Variants in EGFLAM observed in about 807,000 individuals in gnomAD.
EGFLAM encodes the protein EGF like, fibronectin type III and laminin G domains, also known as pikachurin.
In EGFLAM, 79 loss-of-function variants were observed where a neutral mutation model predicts 113.1. The ratio of observed to expected loss-of-function variants is 0.70; its 90% CI spans 0.58 to 0.84. EGFLAM has a LOEUF of 0.84. EGFLAM is among the 40% of genes least tolerant of loss of function. The pLI, the probability that EGFLAM is intolerant of heterozygous loss-of-function variation, is 0.00. For synonymous variants in EGFLAM, 504 were observed against 487.6 expected (o/e 1.03, Z -0.44); for missense variants, 1,265 against 1,291.6 (o/e 0.98, Z 0.32).
Position 38,350,502 on chromosome 5 carries a change from A to C in EGFLAM, c.293A>C (p.Glu98Ala), listed in dbSNP as rs543782279. The change falls in exon 4 of 22, where the codon GAG becomes GCG. Residue 98 changes from glutamate to alanine, a missense_variant and splice_region_variant. Transcript: ENST00000322350. Reference protein sequence around the residue: ...VPLSRDIPTTEEVIGDLKPGT... With the variant: ...VPLSRDIPTTAEVIGDLKPGT... Reference sequence around the variant, plus strand: ...TCTTTCTTGTTTGGTCATTGACAGGAGGAAGTGATTGGAGATTTGAAACCA... The same window carrying C: ...TCTTTCTTGTTTGGTCATTGACAGGCGGAAGTGATTGGAGATTTGAAACCA... The C allele has an allele frequency of 6.2e-7, 1 of 1,613,678 alleles. No individual in the cohort carries two copies. The highest frequency in any genetic ancestry group is 8.5e-7 in the Non-Finnish European group (1 of 1,179,768).
intron 1 of EGFLAM, among the ~76,000 whole-genome samples, chr5:38,284,318 CT>C (rs1175614302): frequency 1.3e-5 from 2 of 152,032 alleles, no homozygotes; most frequent in Admixed American, 6.6e-5. Flanking sequence ...GGTTAACAAA[CT>C]TTTTTTTGTA....
intron 17 of EGFLAM, among the ~76,000 whole-genome samples, chr5:38,447,096 A>G (rs1448321426): frequency 1.3e-5 from 2 of 152,214 alleles, no homozygotes; most frequent in Non-Finnish European, 2.9e-5. Context: ...AAGAGGAAAG[A>G]GATATTGCTG....
intron 1 of EGFLAM, among the ~76,000 whole-genome samples, chr5:38,336,445 G>C (rs1369887017): frequency 1.3e-5 from 2 of 152,058 alleles, no homozygotes; most frequent in Non-Finnish European, 2.9e-5. Flanking sequence ...ATGGTGGCGA[G>C]CTCCTGTAGT....
intron 1 of EGFLAM, 107 bp from the exon 2 acceptor site, chr5:38,337,413 T>C (rs1324123090): frequency 9.7e-7 from 1 of 1,035,786 alleles, no homozygotes; most frequent in Non-Finnish European, 1.4e-6. Context: ...GAATTATCTT[T>C]AAGTATGCTT....
chr5:38,343,080 A>G (rs1350895369), intron 3 of EGFLAM, among the ~76,000 whole-genome samples: 1 of 152,086 alleles, frequency 6.6e-6, no homozygotes, highest in East Asian at 1.9e-4. Context: ...GAAGTCACTG[A>G]TCTTTTCTGA....
At chr5:38,454,328 G>C (rs1356695087) in intron 19 of EGFLAM, among the ~76,000 whole-genome samples, 1 of 152,024 alleles carries the variant, frequency 6.6e-6, no homozygotes, top group Non-Finnish European at 1.5e-5. Context: ...GGTCTGAAGT[G>C]GCTTTGGAAT....
intron 1 of EGFLAM, among the ~76,000 whole-genome samples, chr5:38,307,479 A>C (rs1453073081): frequency 6.6e-6 from 1 of 152,188 alleles, no homozygotes; most frequent in Non-Finnish European, 1.5e-5. Flanking sequence ...GAAGAAGGAC[A>C]TGTTTCCTTC....
In EGFLAM at chr5:38,370,311, G is replaced by A; in HGVS notation, c.561G>A (p.Lys187=). 1 of 1,613,922 alleles carries A rather than the reference G, an allele frequency of 6.2e-7. No homozygotes were observed. The highest frequency in any genetic ancestry group is 1.7e-5 in the Admixed American group (1 of 60,022). Residue 187 remains lysine, a synonymous_variant, in exon 6 of 22, where the codon AAG becomes AAA. Coordinates refer to ENST00000322350, the MANE Select transcript of EGFLAM (RefSeq NM_152403.4). ...ATCAATAAAGGCCAGATTTCGACAA[G>A]AAGTGGACCTCAATCCATGAGCGGA... ...SVEFIRPDFD[K]KWTSIHERIQ... is the part of the protein sequence containing the mutation.
At chr5:38,419,989 T>C (rs1471550114) in intron 12 of EGFLAM, among the ~76,000 whole-genome samples, 2 of 152,170 alleles carry the variant, frequency 1.3e-5, no homozygotes, top group Non-Finnish European at 2.9e-5. Flanking sequence ...ATTGTGCCAC[T>C]GCACTCCAGC....
intron 16 of EGFLAM, among the ~76,000 whole-genome samples, chr5:38,437,216 T>C (rs1038427090): frequency 2.0e-5 from 3 of 151,932 alleles, no homozygotes. Context: ...CCATGCACAG[T>C]GGGGTAAAGA....
intron 1 of EGFLAM, among the ~76,000 whole-genome samples, chr5:38,315,705 ATC>A (rs1738575636): frequency 6.6e-6 from 1 of 152,050 alleles, no homozygotes; most frequent in African/African-American, 2.4e-5. Flanking sequence ...AAGTTATTTA[ATC>A]TCTCTCTCGG....
intron 17 of EGFLAM, among the ~76,000 whole-genome samples, chr5:38,441,593 T>TACACACACACACACAC (rs3048229): frequency 0.017 from 2,439 of 147,590 alleles, 39 homozygotes; most frequent in African/African-American, 0.037. Flanking sequence ...CGCTGCTTTG[T>TACACACACACACACAC]ACACACACAC....
intron 11 of EGFLAM, among the ~76,000 whole-genome samples, chr5:38,414,103 G>C (rs1300609062): frequency 6.6e-6 from 1 of 152,146 alleles, no homozygotes; most frequent in Non-Finnish European, 1.5e-5. Context: ...CTGATATAAA[G>C]GGCTATGCCT....
chr5:38,459,673 T>C (rs1274545355), intron 20 of EGFLAM, among the ~76,000 whole-genome samples: 1 of 152,086 alleles, frequency 6.6e-6, no homozygotes, highest in Non-Finnish European at 1.5e-5. Context: ...CTGGGAAACA[T>C]GGCGCCCACC....
chr5:38,312,947 G>A (rs1738494592), intron 1 of EGFLAM, among the ~76,000 whole-genome samples: 1 of 152,016 alleles, frequency 6.6e-6, no homozygotes, highest in African/African-American at 2.4e-5. Flanking sequence ...AATTAGCTGG[G>A]CGTGGTGGTG....
rs1742908027 is a variant in EGFLAM, at chr5:38,451,391, G to C, written c.2620G>C (p.Asp874His). ...AKDGLLLWRG[D>H]SPMRPNSDFI... ...GGATGGCCTTTTGCTGTGGAGGGGA[G>C]ACAGCCCCATGAGACCCAACAGCGA... The change falls in exon 19 of 22, where the codon GAC becomes CAC. Residue 874 changes from aspartate to histidine, a missense_variant. Coordinates refer to ENST00000322350, the MANE Select transcript of EGFLAM (RefSeq NM_152403.4). The C allele has an allele frequency of 6.2e-7, 1 of 1,614,096 alleles. No homozygotes were observed. The highest frequency in any genetic ancestry group is 8.5e-7 in the Non-Finnish European group (1 of 1,180,058).
chr5:38,336,355 C>A (rs968508603), intron 1 of EGFLAM, among the ~76,000 whole-genome samples: 2 of 152,156 alleles, frequency 1.3e-5, no homozygotes, highest in African/African-American at 4.8e-5. Flanking sequence ...GGGCAGGTCA[C>A]AAGGTCAGGA....
intron 1 of EGFLAM, among the ~76,000 whole-genome samples, chr5:38,302,732 A>T (rs1482608698): frequency 6.6e-6 from 1 of 151,020 alleles, no homozygotes; most frequent in African/African-American, 2.4e-5. Flanking sequence ...AAAAAAGAAC[A>T]TGGAAAACAA....
chr5:38,285,067 A>C (rs1359135247), intron 1 of EGFLAM, among the ~76,000 whole-genome samples: 2 of 152,178 alleles, frequency 1.3e-5, no homozygotes, highest in Non-Finnish European at 2.9e-5. Context: ...TGGATTTGTT[A>C]GTTGATTGTA....
Sources: gnomAD v4.1 joint callset for allele counts (sites outside exome capture counted in the v4.1 genomes callset) on GRCh38, gnomAD v4.1.1 for gene constraint, MANE v1.5 for transcripts, NCBI Gene and HGNC (gene_info 2026-07-23, HGNC 2026-07-21) for gene names.